KIF16B: variants seen among roughly 807,000 people sequenced by gnomAD.
KIF16B encodes the protein kinesin family member 16B, also known as kinesin-like protein KIF16B.
In KIF16B, 98 loss-of-function variants were observed where a neutral mutation model predicts 156.3. The observed-to-expected ratio is 0.63, with a 90% CI of 0.53 to 0.74. The LOEUF is 0.74. Among genes scored for constraint, KIF16B ranks in the 30% least tolerant of loss-of-function variants. KIF16B has a pLI of 0.00. For missense variants in KIF16B, 1,421 were observed against 1,606.5 expected, an observed-to-expected ratio of 0.88 and a Z score of 1.97; for synonymous variants, 564 against 583.7, an observed-to-expected ratio of 0.97 and a Z score of 0.49.
At position 16,379,142 on chromosome 20, in the gene KIF16B, C is replaced by A. The variant is rs1374391918; in HGVS notation, c.2860G>T (p.Glu954Ter). 6.2e-7 allele frequency: 1 copy of A among 1,614,170 alleles called. No individual in the cohort carries two copies. The highest frequency in any genetic ancestry group is 1.3e-5 in the African/African-American group (1 of 75,050). Residue 954 changes from glutamate (E) to a stop codon, truncating the protein, a stop_gained, in exon 19 of 26, where the codon GAA (glutamate) becomes TAA (stop). Coordinates refer to ENST00000354981, the MANE Select transcript of KIF16B (RefSeq NM_024704.5). LOFTEE classifies it high-confidence loss of function. ...TTGGCCTGGTACTGTGCAAGCTGTT[C>A]TTCTTTTTCTTCCATTTCCTTTTCT... ...QVEKEMEEKEEQLAQYQANAN... is the reference protein window; with the variant it reads ...QVEKEMEEKE
In KIF16B at chr20:16,563,347, G is replaced by A. The variant is rs576086421; in HGVS notation, c.47+9882C>T. Among the ~76,000 whole-genome samples the A allele has an allele frequency of 1.3e-4, 20 of 152,278 alleles. 1 individual carries two copies. In the South Asian group the frequency reaches 3.7e-3, roughly 28 times the overall value. ...TGTCTTTTTATAACCTGAACGTGAG[G>A]AAAGGCAGTCAAAGCCACCAAAATA... is the stretch of plus-strand genomic sequence containing the variant. On this transcript the variant is annotated intron_variant, in intron 1 of 25. Coordinates refer to ENST00000354981, the MANE Select transcript of KIF16B (RefSeq NM_024704.5).
chr20:16,480,634 A>G (rs2067954266), intron 12 of KIF16B, among the ~76,000 whole-genome samples: 1 of 152,236 alleles, frequency 6.6e-6, no homozygotes, highest in Non-Finnish European at 1.5e-5. Flanking sequence ...GAGGTGACAC[A>G]ATGCACAGAA....
chr20:16,447,362 C>T (rs1386590037), intron 12 of KIF16B, among the ~76,000 whole-genome samples: 1 of 151,938 alleles, frequency 6.6e-6, no homozygotes, highest in Non-Finnish European at 1.5e-5. Flanking sequence ...GATCTGCCAC[C>T]TGCCTTCAAC....
At chr20:16,498,660 T>C (rs2068523841) in intron 10 of KIF16B, among the ~76,000 whole-genome samples, 1 of 152,094 alleles carries the variant, frequency 6.6e-6, no homozygotes, top group Non-Finnish European at 1.5e-5. Flanking sequence ...CTATGATTCA[T>C]GTTAGTGCTC....
intron 3 of KIF16B, among the ~76,000 whole-genome samples, chr20:16,522,434 T>C (rs2069386413): frequency 6.6e-6 from 1 of 152,168 alleles, no homozygotes; most frequent in South Asian, 2.1e-4. Flanking sequence ...GGGCATTACA[T>C]AATGTTAAAG....
intron 12 of KIF16B, among the ~76,000 whole-genome samples, chr20:16,437,390 A>G (rs768020505): frequency 4.6e-5 from 7 of 152,224 alleles, no homozygotes; most frequent in Non-Finnish European, 8.8e-5. Flanking sequence ...TCACTATTTG[A>G]TTCAGAGACT....
chr20:16,500,078 C>A (rs1446137331), intron 10 of KIF16B, among the ~76,000 whole-genome samples: 2 of 152,242 alleles, frequency 1.3e-5, no homozygotes, highest in East Asian at 1.9e-4. Context: ...CAATTTTGTT[C>A]TTTGCCCAAC....
intron 12 of KIF16B, among the ~76,000 whole-genome samples, chr20:16,474,222 A>G (rs987010211): frequency 6.6e-6 from 1 of 152,076 alleles, no homozygotes; most frequent in Admixed American, 6.6e-5. Context: ...CCTGTTGACC[A>G]CGCCCCCCTT....
chr20:16,440,262 T>C (rs1382586328), intron 12 of KIF16B, among the ~76,000 whole-genome samples: 1 of 152,112 alleles, frequency 6.6e-6, no homozygotes, highest in Non-Finnish European at 1.5e-5. Flanking sequence ...TTAATGCTCC[T>C]TGCCAGTCAA....
chr20:16,566,118 T>A (rs2071245158), intron 1 of KIF16B, among the ~76,000 whole-genome samples: 1 of 152,258 alleles, frequency 6.6e-6, no homozygotes, highest in Non-Finnish European at 1.5e-5. Flanking sequence ...GCATACATTA[T>A]TTTCATAATC....
intron 22 of KIF16B, chr20:16,368,717 T>C (rs2064741617): frequency 1.0e-6 from 1 of 985,894 alleles, no homozygotes; most frequent in Non-Finnish European, 1.2e-6. Context: ...GCCAGTACGC[T>C]CTGCGGGGCA....
chr20:16,547,864 C>A (rs1382633668), intron 1 of KIF16B, among the ~76,000 whole-genome samples: 1 of 152,164 alleles, frequency 6.6e-6, no homozygotes, highest in Non-Finnish European at 1.5e-5. Flanking sequence ...AGCAGGGACC[C>A]CCAACCCTGG....
rs921967779 is a variant in KIF16B, at chr20:16,368,706, C to G, written c.3498+1880G>C. 15 of 985,772 alleles carry G rather than the reference C, an allele frequency of 1.5e-5. No individual in the cohort carries two copies. In the East Asian group the frequency reaches 6.8e-4, roughly 45 times the overall value. The allele number at this position is 985,772 out of a possible 1,614,324, so 61.1% of individuals were successfully genotyped here. A position where few individuals can be genotyped will look rare whatever the true frequency, so the allele number is the denominator to read the frequency against. Reference sequence around the variant, plus strand: ...CTTGCTGCTCACTATAAAACTCAGACGCCAGTACGCTCTGCGGGGCACTGC... The same window carrying G: ...CTTGCTGCTCACTATAAAACTCAGAGGCCAGTACGCTCTGCGGGGCACTGC... On this transcript the variant is annotated intron_variant, in intron 22 of 25. Transcript: ENST00000354981.
At chr20:16,507,898 T>C in intron 7 of KIF16B, 60 bp downstream of exon 7, 1 of 1,579,554 alleles carries the variant, frequency 6.3e-7, no homozygotes, top group Non-Finnish European at 8.7e-7. Flanking sequence ...CCTCAGCTGG[T>C]GCTAATCAGC....
In KIF16B at chr20:16,428,014, G is replaced by A. The variant is rs140651017; in HGVS notation, c.1475-773C>T. Among the ~76,000 whole-genome samples the A allele has an allele frequency of 1.1e-3, 170 of 152,208 alleles. 2 individuals are homozygous for A. Among genetic ancestry groups the A allele is most frequent in the African/African-American group, 3.9e-3 (162 of 41,554 alleles). ...CTACTGATCTCTGATCACAGAAAAC[G>A]TGTGTTCTTACCATCATTTATAGCT... On this transcript the variant is annotated intron_variant, in intron 14 of 25. Coordinates refer to ENST00000354981, the MANE Select transcript of KIF16B (RefSeq NM_024704.5).
At chr20:16,488,346 T>A (rs2068186070) in intron 12 of KIF16B, among the ~76,000 whole-genome samples, 1 of 152,258 alleles carries the variant, frequency 6.6e-6, no homozygotes, top group South Asian at 2.1e-4. Context: ...GTCTGTGCGT[T>A]ATTTTGAAGC....
intron 12 of KIF16B, among the ~76,000 whole-genome samples, chr20:16,484,559 T>C (rs1410403704): frequency 6.6e-6 from 1 of 152,168 alleles, no homozygotes; most frequent in Non-Finnish European, 1.5e-5. Context: ...CTGCATACTA[T>C]ATAAAGTACA....
intron 10 of KIF16B, among the ~76,000 whole-genome samples, chr20:16,498,004 A>G (rs2068502418): frequency 6.6e-6 from 1 of 152,190 alleles, no homozygotes. Flanking sequence ...TTTAATATGT[A>G]CAGAGTCCAA....
chr20:16,371,177 ACT>A (rs1026601856), intron 21 of KIF16B, among the ~76,000 whole-genome samples: 2 of 152,164 alleles, frequency 1.3e-5, no homozygotes, highest in African/African-American at 4.8e-5. Flanking sequence ...AAACTGTTAC[ACT>A]CTGCCCAAGC....
Sources: gnomAD v4.1 joint callset for allele counts (sites outside exome capture counted in the v4.1 genomes callset) on GRCh38, gnomAD v4.1.1 for gene constraint, MANE v1.5 for transcripts, NCBI Gene and HGNC (gene_info 2026-07-23, HGNC 2026-07-21) for gene names.